The following CDC7 variants were observed in gnomAD, a reference collection of about 807,000 sequenced individuals.
The protein encoded by CDC7 is cell division cycle 7, also known as cell division cycle 7-related protein kinase.
CDC7 carries 34 observed loss-of-function variants against 53.5 expected under a neutral mutation model. The observed-to-expected ratio is 0.64, with a 90% CI of 0.48 to 0.85. The LOEUF (loss-of-function observed/expected upper bound fraction) is 0.85. CDC7 is among the 40% of genes least tolerant of loss of function. CDC7 has a pLI of 0.00. For synonymous variants in CDC7, 211 were observed against 222.8 expected (o/e 0.95, Z 0.47); for missense variants, 594 against 679.7 (o/e 0.87, Z 1.40).
In CDC7 at chr1:91,513,245, G is replaced by A. The variant is rs1446919244; in HGVS notation, c.760G>A (p.Ala254Thr). 1 of 1,613,456 alleles carries A rather than the reference G, an allele frequency of 6.2e-7. No individual in the cohort carries two copies. The highest frequency in any genetic ancestry group is 2.2e-5 in the East Asian group (1 of 44,870). Residue 254 changes from alanine (A) to threonine (T), a missense_variant, in exon 7 of 12, where the codon GCT becomes ACT. Transcript: ENST00000234626. ...KELDQQSTTK[A>T]SVKRPYTNAQ... is the part of the protein sequence containing the mutation. The stretch of plus-strand genomic sequence containing the variant: ...GCTGGATCAGCAGTCCACCACAAAA[G>A]CTTCTGTTAAAAGACCCTACACAAA...
chr1:91,522,032 G>A (rs531621764), intron 11 of CDC7, among the ~76,000 whole-genome samples: 1 of 152,236 alleles, frequency 6.6e-6, no homozygotes, highest in South Asian at 2.1e-4. Flanking sequence ...GGGCATGGTA[G>A]CATGCACTTG....
intron 1 of CDC7, 41 bp downstream of exon 1, chr1:91,500,989 G>A (rs1666626309): frequency 6.6e-6 from 1 of 152,270 alleles, no homozygotes; most frequent in African/African-American, 2.4e-5. Context: ...GGGATTGTGA[G>A]GGATTAGGAA....
intron 10 of CDC7, among the ~76,000 whole-genome samples, chr1:91,516,287 G>A (rs1667555190): frequency 6.6e-6 from 1 of 152,144 alleles, no homozygotes; most frequent in South Asian, 2.1e-4. Context: ...AGTTTCCTGT[G>A]ATGTAGATAT....
At chr1:91,502,805 G>GC (rs1205088617) in intron 2 of CDC7, among the ~76,000 whole-genome samples, 2 of 151,870 alleles carry the variant, frequency 1.3e-5, no homozygotes, top group Non-Finnish European at 2.9e-5. Context: ...CACCTATGCT[G>GC]CCTGCTTGCA....
intron 6 of CDC7, 63 bp downstream of exon 6, chr1:91,511,986 CTATATT>C: frequency 8.1e-7 from 1 of 1,238,822 alleles, no homozygotes; most frequent in African/African-American, 1.5e-5. Context: ...ATTTTATTGT[CTATATT>C]TAAGGTATTG....
chr1:91,523,941 A>T (rs1668126336), intron 11 of CDC7, 100 bp from the exon 12 acceptor site: 5 of 777,466 alleles, frequency 6.4e-6, no homozygotes, highest in Middle Eastern at 6.6e-4. Flanking sequence ...TCTATAAAGC[A>T]TATGTTTGAA....
rs199704036 is a variant in CDC7 at position 91,512,910 on chromosome 1, AT to A, written c.573-139del. ...AATTCTTACTTTGTCTGGAAAACTT[AT>A]TTTTTTTTCTTTTTTCCAGAATGTT... On this transcript the variant is annotated intron_variant, in intron 6 of 11. Coordinates refer to ENST00000234626, the MANE Select transcript of CDC7 (RefSeq NM_003503.4). 534 of 685,864 alleles carry A rather than the reference AT, an allele frequency of 7.8e-4. 1 individual carries two copies. Among genetic ancestry groups the A allele is most frequent in the African/African-American group, 7.5e-3 (411 of 55,156 alleles). 42.5% of individuals were successfully genotyped at this position (685,864 alleles called of 1,614,324 possible).
intron 10 of CDC7, among the ~76,000 whole-genome samples, chr1:91,517,674 G>A (rs1298376500): frequency 1.3e-5 from 2 of 152,146 alleles, no homozygotes; most frequent in African/African-American, 4.8e-5. Flanking sequence ...GACAGTTGAA[G>A]CCATGAAGTG....
Position 91,511,495 on chromosome 1 carries a change from C to G in CDC7, c.336-102C>G. 9.3e-6 allele frequency: 6 copies of G among 646,996 alleles called. No homozygotes were observed. The Middle Eastern group carries it at 1.3e-3, about 139-fold the overall frequency. The allele number at this position is 646,996 out of a possible 1,614,324, so 40.1% of individuals were successfully genotyped here. A position where few individuals can be genotyped will look rare whatever the true frequency, so the allele number is the denominator to read the frequency against. ...ATGATGATTTAAGTCAGTTTTCTAGCAATATGTATGCATTGCTAAAATTGC... is the reference window on the plus strand; with the variant it reads ...ATGATGATTTAAGTCAGTTTTCTAGGAATATGTATGCATTGCTAAAATTGC... On this transcript the variant is annotated intron_variant, in intron 4 of 11. Coordinates refer to ENST00000234626, the MANE Select transcript of CDC7 (RefSeq NM_003503.4).
In CDC7 at chr1:91,524,312, C is replaced by G. The variant is rs771697225; in HGVS notation, c.1602C>G (p.Gly534=). 5.6e-6 allele frequency: 9 copies of G among 1,613,976 alleles called. No homozygotes were observed. The highest frequency in any genetic ancestry group is 7.6e-6 in the Non-Finnish European group (9 of 1,179,940). The change falls in exon 12 of 12, where the codon GGC becomes GGG. Residue 534 remains glycine (G), a synonymous_variant. Transcript: ENST00000234626. The part of the protein sequence containing the change: ...CFDEYNTNLE[G]WNEVPDEAYD... ...ATGAGTATAATACCAATTTAGAAGG[C>G]TGGAATGAGGTACCTGATGAAGCTT...
chr1:91,509,363 T>G (rs1350792566), intron 4 of CDC7, among the ~76,000 whole-genome samples: 20 of 130,832 alleles, frequency 1.5e-4, no homozygotes, highest in Non-Finnish European at 3.2e-4. Flanking sequence ...ACCTAAACCT[T>G]AACATACCAA....
At chr1:91,517,058 A>G (rs774761681) in intron 10 of CDC7, among the ~76,000 whole-genome samples, 1 of 152,102 alleles carries the variant, frequency 6.6e-6, no homozygotes, top group Admixed American at 6.6e-5. Flanking sequence ...GCAAGACTTC[A>G]TCTCAAAAAA....
intron 1 of CDC7, 78 bp from the exon 2 acceptor site, chr1:91,501,576 C>T (rs1388733035): frequency 1.5e-6 from 1 of 688,314 alleles, no homozygotes; most frequent in Non-Finnish European, 2.6e-6. Flanking sequence ...ATGTTTGCCC[C>T]TTTGGGGGGC....
intron 1 of CDC7, chr1:91,501,183 C>A (rs1450734837): frequency 6.6e-6 from 1 of 152,422 alleles, no homozygotes; most frequent in Non-Finnish European, 1.5e-5. Context: ...CCGGCGGATT[C>A]CCATTCATTC....
intron 1 of CDC7, 78 bp from the exon 2 acceptor site, chr1:91,501,576 C>CT: frequency 1.5e-6 from 1 of 688,436 alleles, no homozygotes; most frequent in Non-Finnish European, 2.6e-6. Context: ...ATGTTTGCCC[C>CT]TTTGGGGGGC....
chr1:91,513,340 CTG>C (rs1667386144), intron 7 of CDC7, 33 bp downstream of exon 7: 2 of 1,587,684 alleles, frequency 1.3e-6, no homozygotes, highest in Non-Finnish European at 1.7e-6. Flanking sequence ...AGTACCGACA[CTG>C]TTTTAGAAAT....
At chr1:91,509,186 C>G (rs11589162) in intron 4 of CDC7, among the ~76,000 whole-genome samples, 24,364 of 151,986 alleles carry the variant, frequency 0.16, 2,122 homozygotes, top group East Asian at 0.25. Context: ...TCTTAGGTTT[C>G]TCTGTATTCT....
intron 1 of CDC7, 176 bp downstream of exon 1, chr1:91,501,124 G>A (rs1485204045): frequency 1.3e-5 from 2 of 152,274 alleles, no homozygotes; most frequent in Admixed American, 6.5e-5. Flanking sequence ...TTCGGTCTCT[G>A]GCCCGAGGGA....
At chr1:91,519,221 G>A (rs1286274685) in intron 10 of CDC7, among the ~76,000 whole-genome samples, 1 of 141,358 alleles carries the variant, frequency 7.1e-6, no homozygotes, top group Non-Finnish European at 1.5e-5. Flanking sequence ...GACCAGCCTG[G>A]CCAATGTGGC....
Sources: allele counts gnomAD v4.1 joint callset (sites outside exome capture counted in the v4.1 genomes callset), GRCh38; gene constraint gnomAD v4.1.1; transcripts MANE v1.5; gene names NCBI Gene and HGNC (gene_info 2026-07-23, HGNC 2026-07-21).